Variants in EPS8 observed in about 807,000 individuals in gnomAD.
The protein encoded by EPS8 is epidermal growth factor receptor kinase substrate 8.
In EPS8, 42 loss-of-function variants were observed where a neutral mutation model predicts 103.8. The observed-to-expected ratio is 0.40, with a 90% CI of 0.32 to 0.52. The LOEUF (loss-of-function observed/expected upper bound fraction) is 0.52, where lower values mean the gene tolerates loss of function less well. Among genes scored for constraint, EPS8 ranks in the 20% least tolerant of loss-of-function variants. The pLI is 0.40. For missense variants in EPS8, 969 were observed against 1,005.1 expected, an observed-to-expected ratio of 0.96 and a Z score of 0.49; for synonymous variants, 344 against 344.6, an observed-to-expected ratio of 1.00 and a Z score of 0.02.
In EPS8 at chr12:15,759,829, G is replaced by C. The variant is rs1489670108; in HGVS notation, c.-22+29332C>G. Among the ~76,000 whole-genome samples the C allele has an allele frequency of 6.6e-6, 1 of 151,820 alleles. No individual in the cohort carries two copies. The highest frequency in any genetic ancestry group is 1.5e-5 in the Non-Finnish European group (1 of 67,906). ...GAAACAGCAAAAGCAGTACTAACAG[G>C]AAAGTTTATAGCTATAAGTGCCTAC... On this transcript the variant is annotated intron_variant, in intron 1 of 20. Transcript: ENST00000281172. The surrounding 1 kb of genome is among the most constrained non-coding windows in gnomAD (Gnocchi z 4.9).
chr12:15,672,253 C>T (rs950096819), intron 3 of EPS8, among the ~76,000 whole-genome samples: 8 of 152,080 alleles, frequency 5.3e-5, no homozygotes, highest in Non-Finnish European at 8.8e-5. Context: ...AACATTAACA[C>T]AGAATTTTAA....
intron 1 of EPS8, among the ~76,000 whole-genome samples, chr12:15,720,711 CCT>C (rs1393061326): frequency 1.3e-5 from 2 of 152,112 alleles, no homozygotes; most frequent in Non-Finnish European, 2.9e-5. Context: ...GGATCTGTCC[CCT>C]GCCTCACTTT....
In EPS8 at chr12:15,693,914, G is replaced by A. The variant is rs1461594655; in HGVS notation, c.-21-10942C>T. Among the ~76,000 whole-genome samples, 2 of 152,182 alleles carry A rather than the reference G, an allele frequency of 1.3e-5. No homozygotes were observed. The highest frequency in any genetic ancestry group is 3.9e-4 in the East Asian group (2 of 5,192). On this transcript the variant is annotated intron_variant, in intron 1 of 20. Coordinates refer to ENST00000281172, the MANE Select transcript of EPS8 (RefSeq NM_004447.6). This position sits in a 1 kb window ranked among gnomAD's most constrained non-coding sequence, Gnocchi z 5.6. ...GTCAGATGGAGGTGGGGCAAGAGGA[G>A]GGAGAGCATCAGGACAAATAGCTAA... is the stretch of plus-strand genomic sequence containing the variant.
Position 15,748,379 on chromosome 12 carries a change from A to G in EPS8, c.-22+40782T>C, listed in dbSNP as rs1047396421. Among the ~76,000 whole-genome samples, 1 of 152,244 alleles carries G rather than the reference A, an allele frequency of 6.6e-6. No individual in the cohort carries two copies. Among genetic ancestry groups the G allele is most frequent in the African/African-American group, 2.4e-5 (1 of 41,448 alleles). On this transcript the variant is annotated intron_variant, in intron 1 of 20. Transcript: ENST00000281172. This position sits in a 1 kb window ranked among gnomAD's most constrained non-coding sequence, Gnocchi z 4.8. ...AATAAATTCACCTAGTAGGAAAACT[A>G]AAGTGATGAGGATTAGAAAGGAAAG...
chr12:15,655,669 T>C (rs1945494930), intron 12 of EPS8, among the ~76,000 whole-genome samples: 1 of 152,156 alleles, frequency 6.6e-6, no homozygotes, highest in African/African-American at 2.4e-5. Flanking sequence ...TAGAGGAATA[T>C]AAAAATACCT....
rs1946734316 is a variant in EPS8 at position 15,733,035 on chromosome 12, T to G, written c.-21-50063A>C. Among the ~76,000 whole-genome samples the G allele has an allele frequency of 6.6e-6, 1 of 152,120 alleles. No individual in the cohort carries two copies. Among genetic ancestry groups the G allele is most frequent in the South Asian group, 2.1e-4 (1 of 4,826 alleles). ...AACGATACCTAAATAATGGAGTACA[T>G]GGAGATGATTTTACTAGCAGCTGAC... On this transcript the variant is annotated intron_variant, in intron 1 of 20. Transcript: ENST00000281172. This position sits in a 1 kb window ranked among gnomAD's most constrained non-coding sequence, Gnocchi z 4.8.
chr12:15,788,512 G>T (rs1292103991), intron 1 of EPS8, among the ~76,000 whole-genome samples: 1 of 152,174 alleles, frequency 6.6e-6, no homozygotes, highest in African/African-American at 2.4e-5. Flanking sequence ...GAGAGGGCAG[G>T]GAGTACATGG....
intron 19 of EPS8, among the ~76,000 whole-genome samples, chr12:15,623,521 C>T (rs1046212885): frequency 9.9e-5 from 15 of 152,076 alleles, no homozygotes; most frequent in Non-Finnish European, 1.8e-4. Context: ...TGAGCCAATT[C>T]GGTTTAGGGT....
chr12:15,724,067 A>G (rs1946626830), intron 1 of EPS8, among the ~76,000 whole-genome samples: 1 of 152,180 alleles, frequency 6.6e-6, no homozygotes, highest in Non-Finnish European at 1.5e-5. Context: ...TTAATATGAA[A>G]TCAAAACATC....
intron 17 of EPS8, among the ~76,000 whole-genome samples, chr12:15,636,508 A>T (rs1945137236): frequency 2.0e-5 from 3 of 152,314 alleles, no homozygotes; most frequent in African/African-American, 7.2e-5. Flanking sequence ...CCAGGTGGCA[A>T]TTCAACACCT....
At chr12:15,636,796 A>C (rs1451349891) in intron 17 of EPS8, among the ~76,000 whole-genome samples, 1 of 152,216 alleles carries the variant, frequency 6.6e-6, no homozygotes, top group East Asian at 1.9e-4. Flanking sequence ...TAAATCATAT[A>C]ATTTGGGTTA....
chr12:15,764,528 G>T lies in EPS8; in HGVS notation c.-22+24633C>A, dbSNP rs1156407368. 6.6e-6 allele frequency among the ~76,000 whole-genome samples: 1 copy of T among 152,166 alleles called. No individual in the cohort carries two copies. Among genetic ancestry groups the T allele is most frequent in the Non-Finnish European group, 1.5e-5 (1 of 68,028 alleles). ...TTTATGTAAACTGTAAAACCAACAG[G>T]CCTTTGAAGAACTTTTCTCTCTCTA... On this transcript the variant is annotated intron_variant, in intron 1 of 20. Transcript: ENST00000281172. This position sits in a 1 kb window ranked among gnomAD's most constrained non-coding sequence, Gnocchi z 4.1.
intron 1 of EPS8, 83 bp from the exon 2 acceptor site, chr12:15,683,055 T>C (rs1946037207): frequency 4.6e-6 from 3 of 652,722 alleles, no homozygotes; most frequent in Middle Eastern, 2.6e-4. Context: ...TCAACAAATA[T>C]GTGTTGCTGC....
intron 18 of EPS8, among the ~76,000 whole-genome samples, chr12:15,630,841 T>C (rs1448249871): frequency 2.6e-5 from 4 of 152,152 alleles, no homozygotes; most frequent in African/African-American, 7.2e-5. Context: ...GATAACTCTG[T>C]TGCTGGGGAC....
chr12:15,726,976 G>A (rs1485807009), intron 1 of EPS8, among the ~76,000 whole-genome samples: 1 of 152,134 alleles, frequency 6.6e-6, no homozygotes, highest in African/African-American at 2.4e-5. Context: ...AGCATAACCA[G>A]AACTGTACTA....
At chr12:15,625,534 C>A (rs1240953310) in intron 18 of EPS8, among the ~76,000 whole-genome samples, 4 of 152,210 alleles carry the variant, frequency 2.6e-5, no homozygotes, top group South Asian at 4.2e-4. Context: ...TTAATGTCGC[C>A]GAAATTCAAT....
chr12:15,689,976 C>T (rs1217697700), intron 1 of EPS8, among the ~76,000 whole-genome samples: 2 of 152,076 alleles, frequency 1.3e-5, no homozygotes, highest in African/African-American at 4.8e-5. Flanking sequence ...TAAATGGCAT[C>T]TAAAAATAGT....
intron 1 of EPS8, among the ~76,000 whole-genome samples, chr12:15,689,149 G>A (rs1347993778): frequency 2.7e-5 from 4 of 150,156 alleles, no homozygotes; most frequent in African/African-American, 9.8e-5. Flanking sequence ...TTTTTTTTCA[G>A]TAAGTTACAC....
rs139962830 is a variant in EPS8, at chr12:15,693,169, C to T, written c.-21-10197G>A. Among the ~76,000 whole-genome samples, 769 of 152,266 alleles carry T rather than the reference C, an allele frequency of 5.1e-3. 6 individuals are homozygous for T. Among genetic ancestry groups the T allele is most frequent in the Non-Finnish European group, 5.3e-3 (363 of 68,014 alleles). ...GCAGACCCCAGCCATCAGTGTCTAT[C>T]GGTCTTTTGCATAGATCAGTCAGGT... On this transcript the variant is annotated intron_variant, in intron 1 of 20. Coordinates refer to ENST00000281172, the MANE Select transcript of EPS8 (RefSeq NM_004447.6). The surrounding 1 kb of genome is among the most constrained non-coding windows in gnomAD (Gnocchi z 5.6).
Sources: gnomAD v4.1 joint callset for allele counts (sites outside exome capture counted in the v4.1 genomes callset) on GRCh38, gnomAD v4.1.1 for gene constraint, Gnocchi (gnomAD v3.1) non-coding constraint, MANE v1.5 for transcripts, NCBI Gene and HGNC (gene_info 2026-07-23, HGNC 2026-07-21) for gene names.